The following LPXN variants were observed in gnomAD, a reference collection of about 807,000 sequenced individuals.
LPXN encodes the protein leupaxin.
Under a neutral mutation model 45.6 loss-of-function variants are expected in LPXN, and 28 were observed. The ratio of observed to expected loss-of-function variants is 0.61; its 90% CI spans 0.45 to 0.84. The LOEUF is 0.84. LPXN is among the 40% of genes least tolerant of loss of function. The pLI is 0.00. For synonymous variants in LPXN, 166 were observed against 169.9 expected, an observed-to-expected ratio of 0.98 and a Z score of 0.18; for missense variants, 459 against 475.0, an observed-to-expected ratio of 0.97 and a Z score of 0.31.
In LPXN at chr11:58,550,114, A is replaced by C. The variant is rs1565194000; in HGVS notation, c.519T>G (p.Pro173=). 6.2e-7 allele frequency: 1 copy of C among 1,614,160 alleles called. No homozygotes were observed. Among genetic ancestry groups the C allele is most frequent in the African/African-American group, 1.3e-5 (1 of 75,064 alleles). The change falls in exon 6 of 9, where the codon CCT becomes CCG. Residue 173 remains proline (P), a synonymous_variant. Transcript: ENST00000395074. The part of the protein sequence containing the change: ...VIHALGQSWH[P]EHFVCTHCKE... ...TGCAATGAGTACAGACAAAATGCTCAGGATGCCATGATTGCCCTAGAGCAT... is the reference window on the plus strand; with the variant it reads ...TGCAATGAGTACAGACAAAATGCTCCGGATGCCATGATTGCCCTAGAGCAT...
chr11:58,540,283 G>A (rs1367045958), intron 7 of LPXN, among the ~76,000 whole-genome samples: 1 of 152,144 alleles, frequency 6.6e-6, no homozygotes, highest in Non-Finnish European at 1.5e-5. Context: ...GCAGCAAAGA[G>A]AGGACTAATA....
intron 4 of LPXN, among the ~76,000 whole-genome samples, chr11:58,551,663 T>C (rs2120340996): frequency 6.6e-6 from 1 of 152,318 alleles, no homozygotes; most frequent in African/African-American, 2.4e-5. Flanking sequence ...TCTGGCCTCA[T>C]GGAATTGCAT....
intron 8 of LPXN, 65 bp downstream of exon 8, chr11:58,527,978 T>G: frequency 6.5e-7 from 1 of 1,547,424 alleles, no homozygotes; most frequent in Non-Finnish European, 8.8e-7. Context: ...TAACTGCAGC[T>G]CTTCCTCTCA....
At chr11:58,550,688 A>C (rs1255865597) in intron 5 of LPXN, among the ~76,000 whole-genome samples, 2 of 152,230 alleles carry the variant, frequency 1.3e-5, no homozygotes, top group Non-Finnish European at 2.9e-5. Context: ...ATGTGTGAAC[A>C]AAGGGAGCAG....
intron 8 of LPXN, 114 bp downstream of exon 8, chr11:58,527,929 G>A (rs145782379): frequency 2.0e-5 from 25 of 1,272,930 alleles, no homozygotes; most frequent in Middle Eastern, 2.0e-4. Flanking sequence ...TTTAGGATGC[G>A]CACATCCATT....
intron 1 of LPXN, among the ~76,000 whole-genome samples, chr11:58,573,262 GAAAAGAAAAGAAAGA>G (rs1854769035): frequency 2.1e-5 from 3 of 142,770 alleles, no homozygotes; most frequent in Admixed American, 2.1e-4. Flanking sequence ...AAAAAAAAAA[GAAAAGAAAAGAAAGA>G]AAAAGAAAAG....
intron 7 of LPXN, among the ~76,000 whole-genome samples, chr11:58,532,810 T>G (rs1421730063): frequency 6.6e-6 from 1 of 152,242 alleles, no homozygotes; most frequent in Admixed American, 6.5e-5. Flanking sequence ...GGCAACCCAC[T>G]TGGGTCCCCT....
At chr11:58,555,745 C>T (rs1854182516) in intron 3 of LPXN, among the ~76,000 whole-genome samples, 1 of 120,834 alleles carries the variant, frequency 8.3e-6, no homozygotes. Flanking sequence ...TGAAAACACA[C>T]ACACACACAC....
At chr11:58,547,672 A>C (rs907473506) in intron 7 of LPXN, among the ~76,000 whole-genome samples, 6 of 152,176 alleles carry the variant, frequency 3.9e-5, no homozygotes, top group Non-Finnish European at 5.9e-5. Flanking sequence ...TGAAGGTCCT[A>C]AAAAAGAGAG....
intron 3 of LPXN, among the ~76,000 whole-genome samples, chr11:58,555,698 A>T (rs1327348053): frequency 6.6e-6 from 1 of 152,038 alleles, no homozygotes; most frequent in Non-Finnish European, 1.5e-5. Flanking sequence ...GGGATAAAAA[A>T]ATTAAACTGA....
chr11:58,540,067 T>C (rs934970357), intron 7 of LPXN, among the ~76,000 whole-genome samples: 3 of 152,246 alleles, frequency 2.0e-5, no homozygotes, highest in African/African-American at 2.4e-5. Context: ...ACCTGAAACC[T>C]ATTCTTGTCA....
upstream of LPXN, among the ~76,000 whole-genome samples, chr11:58,577,196 T>C (rs1217725544): frequency 6.6e-6 from 1 of 152,170 alleles, no homozygotes; most frequent in African/African-American, 2.4e-5. Flanking sequence ...GAGCATCCAT[T>C]GGATGTCAGC....
At chr11:58,577,180 T>C (rs1310140248), upstream of LPXN, among the ~76,000 whole-genome samples, 1 of 152,154 alleles carries the variant, frequency 6.6e-6, no homozygotes, top group Non-Finnish European at 1.5e-5. Flanking sequence ...TCCTCTGTAT[T>C]ACTTTGAGCA....
intron 2 of LPXN, among the ~76,000 whole-genome samples, chr11:58,568,368 T>C (rs1209414955): frequency 6.6e-6 from 1 of 152,156 alleles, no homozygotes; most frequent in African/African-American, 2.4e-5. Flanking sequence ...TTTGGGAAGC[T>C]GAGGCAGGCA....
chr11:58,530,596 C>T (rs114875260), intron 7 of LPXN, among the ~76,000 whole-genome samples: 4,032 of 152,284 alleles, frequency 0.026, 181 homozygotes, highest in African/African-American at 0.092. Context: ...GGACAGAGCA[C>T]CCAGGGGAAG....
chr11:58,527,449 T>G lies in LPXN; in HGVS notation c.*5A>C. On this transcript the variant is annotated 3_prime_UTR_variant, in exon 9 of 9. Coordinates refer to ENST00000395074, the MANE Select transcript of LPXN (RefSeq NM_004811.3). ...GAATCTGAAGAGGCTATGGATCAGT[T>G]GGCATTACAGTGGGAAGAGCTTATT... is the stretch of plus-strand genomic sequence containing the variant. The G allele has an allele frequency of 6.2e-7, 1 of 1,614,060 alleles. No homozygotes were observed. Among genetic ancestry groups the G allele is most frequent in the South Asian group, 1.1e-5 (1 of 91,080 alleles).
chr11:58,540,386 T>G (rs1853679792), intron 7 of LPXN, among the ~76,000 whole-genome samples: 1 of 152,168 alleles, frequency 6.6e-6, no homozygotes, highest in African/African-American at 2.4e-5. Context: ...CCTGTGATAT[T>G]TTCTTAGAAA....
intron 1 of LPXN, among the ~76,000 whole-genome samples, chr11:58,573,277 AAAAAG>A (rs1479441803): frequency 6.6e-6 from 1 of 151,760 alleles, no homozygotes; most frequent in African/African-American, 2.4e-5. Flanking sequence ...GAAAAGAAAG[AAAAAG>A]AAAAGAAAAC....
At chr11:58,556,980 A>G (rs1247134603) in intron 3 of LPXN, among the ~76,000 whole-genome samples, 1 of 152,210 alleles carries the variant, frequency 6.6e-6, no homozygotes, top group African/African-American at 2.4e-5. Context: ...AGGGAAATGC[A>G]AATCAAACTA....
Sources: allele counts gnomAD v4.1 joint callset (sites outside exome capture counted in the v4.1 genomes callset), GRCh38; gene constraint gnomAD v4.1.1; transcripts MANE v1.5; gene names NCBI Gene and HGNC (gene_info 2026-07-23, HGNC 2026-07-21).